The following DPH7 variants were observed in gnomAD, a reference collection of about 807,000 sequenced individuals.
DPH7 encodes diphthamide biosynthesis 7.
Under a neutral mutation model 41.7 loss-of-function variants are expected in DPH7, and 44 were observed. That is an observed-to-expected ratio of 1.05 (90% CI 0.83 to 1.36). The LOEUF (loss-of-function observed/expected upper bound fraction) is 1.36. Among genes scored for constraint, DPH7 ranks in the 40% most tolerant of loss-of-function variants. The pLI is 0.00. For missense variants in DPH7, 629 were observed against 577.5 expected (o/e 1.09, Z -0.91); for synonymous variants, 275 against 238.0 (o/e 1.16, Z -1.43).
In DPH7 at chr9:137,564,427, C is replaced by T; in HGVS notation, c.949+7G>A. On this transcript the variant is annotated splice_region_variant and intron_variant, in intron 8 of 8. Coordinates refer to ENST00000277540, the MANE Select transcript of DPH7 (RefSeq NM_138778.5). ...CTGAGGCCCAGCAGCCACGGGTCCC[C>T]ACTCACCCATTGCCTTTTGGCAGTT... The T allele has an allele frequency of 6.2e-7, 1 of 1,609,480 alleles. No individual in the cohort carries two copies. The highest frequency in any genetic ancestry group is 8.5e-7 in the Non-Finnish European group (1 of 1,177,108).
At chr9:137,565,217 C>T (rs2133007117) in intron 5 of DPH7, 63 bp from the exon 6 acceptor site, 3 of 1,566,372 alleles carry the variant, frequency 1.9e-6, no homozygotes, top group Admixed American at 1.7e-5. Context: ...CTCAGTTAGG[C>T]CGTTGATGTC....
At chr9:137,555,713 ACACC>A in intron 8 of DPH7, 65 bp from the exon 9 acceptor site, 3 of 1,500,376 alleles carry the variant, frequency 2.0e-6, no homozygotes, top group Non-Finnish European at 2.7e-6. Context: ...CCAACCTGTC[ACACC>A]TGACAGGGAG....
chr9:137,565,185 CTAA>C, intron 5 of DPH7, 31 bp from the exon 6 acceptor site: 1 of 1,609,624 alleles, frequency 6.2e-7, no homozygotes, highest in East Asian at 2.2e-5. Flanking sequence ...ATCAACACCA[CTAA>C]TGACAGGAAA....
Position 137,574,743 on chromosome 9 carries a change from G to C in DPH7, c.467+9C>G. 1 of 1,598,724 alleles carries C rather than the reference G, an allele frequency of 6.3e-7. No homozygotes were observed. The highest frequency in any genetic ancestry group is 8.5e-7 in the Non-Finnish European group (1 of 1,179,378). On this transcript the variant is annotated intron_variant, in intron 4 of 8. Transcript: ENST00000277540. ...AGACTCAGGACCCCTGACCAAGCCT[G>C]GCCCTTACCTTCCAGTTTTCCCAGT... is the stretch of plus-strand genomic sequence containing the variant.
intron 5 of DPH7, among the ~76,000 whole-genome samples, chr9:137,571,028 C>G (rs935131834): frequency 2.0e-5 from 3 of 152,072 alleles, no homozygotes; most frequent in Non-Finnish European, 4.4e-5. Flanking sequence ...TGTGGTAACT[C>G]ACACCTGTAG....
Position 137,577,893 on chromosome 9 carries a change from G to A in DPH7, c.154-290C>T, listed in dbSNP as rs953266886. On this transcript the variant is annotated intron_variant, in intron 1 of 8. Transcript: ENST00000277540. The stretch of plus-strand genomic sequence containing the variant: ...GGGACAGTCCTGACTTACGCCTGTT[G>A]TTCCAGTGCCCAATTTGGATCCTAA... 11 of 900,692 alleles carry A rather than the reference G, an allele frequency of 1.2e-5. No individual in the cohort carries two copies. In the African/African-American group the frequency reaches 1.8e-4, roughly 15 times the overall value. The allele number at this position is 900,692 out of a possible 1,614,324, so 55.8% of individuals were successfully genotyped here.
intron 8 of DPH7, among the ~76,000 whole-genome samples, chr9:137,557,278 C>T (rs1405966496): frequency 2.0e-5 from 3 of 152,144 alleles, no homozygotes; most frequent in African/African-American, 7.2e-5. Context: ...GAAGCCAAGG[C>T]GGGTGGATCA....
intron 1 of DPH7, chr9:137,578,100 C>T (rs187824136): frequency 1.4e-4 from 76 of 536,358 alleles, no homozygotes; most frequent in Non-Finnish European, 1.4e-4. Context: ...GGAGGATGCC[C>T]TGAGCCCTGG....
chr9:137,578,465 C>G (rs773441488), intron 1 of DPH7, 160 bp downstream of exon 1: 24 of 934,520 alleles, frequency 2.6e-5, no homozygotes, highest in Non-Finnish European at 3.3e-5. Flanking sequence ...TGCGCCCGGC[C>G]GAGAACAATT....
At position 137,578,838 on chromosome 9, in the gene DPH7, G is replaced by T; in HGVS notation, c.-61C>A. ...AGGCGGGTCGGCGGGGCCGGGCTGG[G>T]TACTGCGCGGGGCGGCGAGGCCGGG... is the stretch of plus-strand genomic sequence containing the variant. On this transcript the variant is annotated 5_prime_UTR_variant, in exon 1 of 9. Transcript: ENST00000277540. 7.4e-7 allele frequency: 1 copy of T among 1,344,878 alleles called. No homozygotes were observed. The highest frequency in any genetic ancestry group is 1.9e-5 in the South Asian group (1 of 53,580). 83.3% of individuals were successfully genotyped at this position (1,344,878 alleles called of 1,614,324 possible).
At chr9:137,575,279 C>G in intron 3 of DPH7, 1 of 994,178 alleles carries the variant, frequency 1.0e-6, no homozygotes, top group Non-Finnish European at 1.2e-6. Flanking sequence ...ACTTCAGAAG[C>G]CGCGAGCAGC....
chr9:137,574,375 C>G lies in DPH7; in HGVS notation c.473G>C (p.Gly158Ala), dbSNP rs752509883. Residue 158 changes from glycine (G) to alanine (A), a missense_variant, in exon 5 of 9, where the codon GGG becomes GCG. By Grantham distance (60) the Gly-to-Ala change is moderately conservative (BLOSUM62 0). Coordinates refer to ENST00000277540, the MANE Select transcript of DPH7 (RefSeq NM_138778.5). ...GCTGATGATCTTCAAGGGCTGGTCCCCGGCCCTAGACACAGGGAACCCATG... is the reference window on the plus strand; with the variant it reads ...GCTGATGATCTTCAAGGGCTGGTCCGCGGCCCTAGACACAGGGAACCCATG... The part of the protein sequence containing the change: ...DWSTGKTGRA[G>A]DQPLKIISSD... 6 of 1,613,910 alleles carry G rather than the reference C, an allele frequency of 3.7e-6. No individual in the cohort carries two copies. The Admixed American group carries it at 1.0e-4, about 27-fold the overall frequency.
In DPH7 at chr9:137,578,690, G is replaced by A. The variant is rs1209554975; in HGVS notation, c.88C>T (p.Leu30=). 2 of 1,530,186 alleles carry A rather than the reference G, an allele frequency of 1.3e-6. No homozygotes were observed. The highest frequency in any genetic ancestry group is 1.8e-4 in the Middle Eastern group (1 of 5,530). The allele number at this position is 1,530,186 out of a possible 1,614,324, so 94.8% of individuals were successfully genotyped here. ...EWCPLQGCRH[L]LACGTYQLRR... is the part of the protein sequence containing the mutation. Reference sequence around the variant, plus strand: ...AGCTGGTAGGTCCCGCACGCCAGCAGGTGCCTGCAGCCTTGCAGCGGGCAC... The same window carrying A: ...AGCTGGTAGGTCCCGCACGCCAGCAAGTGCCTGCAGCCTTGCAGCGGGCAC... The change falls in exon 1 of 9, where the codon CTG becomes TTG. Residue 30 remains leucine (L), a synonymous_variant. Transcript: ENST00000277540.
rs1564392437 is a variant in DPH7, at chr9:137,555,414, C to T, written c.1184G>A (p.Gly395Glu). The T allele has an allele frequency of 6.2e-7, 1 of 1,614,148 alleles. No homozygotes were observed. The highest frequency in any genetic ancestry group is 8.5e-7 in the Non-Finnish European group (1 of 1,180,004). The change falls in exon 9 of 9, where the codon GGA becomes GAA. Residue 395 changes from glycine (G) to glutamate (E), a missense_variant. Gly to Glu is a moderately conservative substitution (Grantham distance 98). Coordinates refer to ENST00000277540, the MANE Select transcript of DPH7 (RefSeq NM_138778.5). ...CATGCCCTCTGTGAGTGGCTTCATT[C>T]CACTCTGGGGTCTGGCATGGCCCTC... ...DGEGHARPQS[G>E]MKPLTEGMRK...
chr9:137,561,021 CAAAAAAA>C (rs869251490), intron 8 of DPH7, among the ~76,000 whole-genome samples: 2 of 80,678 alleles, frequency 2.5e-5, no homozygotes, highest in Non-Finnish European at 2.5e-5. Context: ...GACCCCATCT[CAAAAAAA>C]AAAAAAAAAA....
At position 137,556,657 on chromosome 9, in the gene DPH7, T is replaced by C; in HGVS notation, c.950-1009A>G. 1.4e-5 allele frequency: 5 copies of C among 355,654 alleles called. No homozygotes were observed. The highest frequency in any genetic ancestry group is 2.8e-5 in the Non-Finnish European group (5 of 179,484). The allele number at this position is 355,654 out of a possible 1,614,324, so 22.0% of individuals were successfully genotyped here. ...TGTTCAGAGACAGCCACAGGGGCCC[T>C]CGAGCAGCATGTGTGGGGCGACCCT... On this transcript the variant is annotated intron_variant, in intron 8 of 8. Transcript: ENST00000277540. The surrounding 1 kb of genome is among the most constrained non-coding windows in gnomAD (Gnocchi z 5.2).
Position 137,574,020 on chromosome 9 carries a change from C to T in DPH7, c.640+188G>A, listed in dbSNP as rs1281467060. Among the ~76,000 whole-genome samples, 8 of 152,222 alleles carry T rather than the reference C, an allele frequency of 5.3e-5. No individual in the cohort carries two copies. In the East Asian group the frequency reaches 5.8e-4, roughly 11 times the overall value. ...GGTGGAGATTGCAGTAAGCCAACAT[C>T]GTGCCACTGCACTCTAGCCTGGCAA... On this transcript the variant is annotated intron_variant, in intron 5 of 8. Transcript: ENST00000277540.
rs377356920 is a variant in DPH7, at chr9:137,558,886, C to A, written c.950-3238G>T. Reference sequence around the variant, plus strand: ...AGTAGCTGGGACTACAGGCGCCCGACCTCAGGTGATCCGCCCGCCTCAGCC... The same window carrying A: ...AGTAGCTGGGACTACAGGCGCCCGAACTCAGGTGATCCGCCCGCCTCAGCC... On this transcript the variant is annotated intron_variant, in intron 8 of 8. Transcript: ENST00000277540. Among the ~76,000 whole-genome samples the A allele has an allele frequency of 1.1e-3, 164 of 152,180 alleles. 1 individual carries two copies. Among genetic ancestry groups the A allele is most frequent in the African/African-American group, 3.8e-3 (157 of 41,540 alleles).
At chr9:137,570,459 C>T (rs1840242385) in intron 5 of DPH7, among the ~76,000 whole-genome samples, 1 of 152,248 alleles carries the variant, frequency 6.6e-6, no homozygotes, top group South Asian at 2.1e-4. Flanking sequence ...CTACTCCAAA[C>T]CTGCTCTGGG....
Sources: gnomAD v4.1 joint callset for allele counts (sites outside exome capture counted in the v4.1 genomes callset) on GRCh38, gnomAD v4.1.1 for gene constraint, Gnocchi (gnomAD v3.1) non-coding constraint, MANE v1.5 for transcripts, NCBI Gene and HGNC (gene_info 2026-07-23, HGNC 2026-07-21) for gene names.